Variants in NFIB observed in about 807,000 individuals in gnomAD.
NFIB encodes nuclear factor I B.
NFIB carries 11 observed loss-of-function variants against 61.5 expected under a neutral mutation model. The ratio of observed to expected loss-of-function variants is 0.18; its 90% CI spans 0.11 to 0.30. NFIB has a LOEUF of 0.30. Ranked by LOEUF, NFIB falls within the 10% of genes least tolerant of loss-of-function variation. The pLI is 1.00. For missense variants in NFIB, 471 were observed against 608.9 expected (o/e 0.77, Z 2.38); for synonymous variants, 260 against 216.5 (o/e 1.20, Z -1.76).
intron 1 of NFIB, among the ~76,000 whole-genome samples, chr9:14,374,735 C>T (rs962011831): frequency 6.6e-6 from 1 of 152,066 alleles, no homozygotes; most frequent in Admixed American, 6.6e-5. Context: ...CATGGTGAAA[C>T]CCTGTCTCTA....
At chr9:14,148,929 C>G (rs1286208681) in intron 5 of NFIB, among the ~76,000 whole-genome samples, 1 of 152,156 alleles carries the variant, frequency 6.6e-6, no homozygotes, top group Non-Finnish European at 1.5e-5. Flanking sequence ...GCCTGAAAAA[C>G]TTAAAATTGG....
rs559695764 is a variant in NFIB at position 14,217,388 on chromosome 9, C to T, written c.563-37608G>A. ...TAAAATATACAAACTAGGCTGGGCG[C>T]GGTGGCTCACGTCTGTAATCCCAGC... On this transcript the variant is annotated intron_variant, in intron 2 of 10. Coordinates refer to ENST00000380953, the MANE Select transcript of NFIB (RefSeq NM_001190737.2). 7.9e-5 allele frequency among the ~76,000 whole-genome samples: 12 copies of T among 152,112 alleles called. No individual in the cohort carries two copies. In the East Asian group the frequency reaches 1.5e-3, roughly 20 times the overall value.
chr9:14,364,737 C>T (rs1315605363), intron 1 of NFIB, among the ~76,000 whole-genome samples: 2 of 152,132 alleles, frequency 1.3e-5, no homozygotes, highest in African/African-American at 4.8e-5. Flanking sequence ...TTAAAGAGCA[C>T]GTTTTGACAG....
intron 2 of NFIB, among the ~76,000 whole-genome samples, chr9:14,187,115 T>C (rs898295906): frequency 4.0e-5 from 6 of 151,798 alleles, no homozygotes; most frequent in Non-Finnish European, 5.9e-5. Flanking sequence ...TGCTTCTGTC[T>C]CTCTGTCTCT....
chr9:14,351,536 C>T (rs984821138), intron 1 of NFIB, among the ~76,000 whole-genome samples: 2 of 152,232 alleles, frequency 1.3e-5, no homozygotes, highest in African/African-American at 2.4e-5. Context: ...CTTCTTTTCT[C>T]ACCTCCCATC....
intron 2 of NFIB, among the ~76,000 whole-genome samples, chr9:14,231,135 A>AAAAATATATAT (rs55959148): frequency 1.1e-4 from 4 of 35,344 alleles, no homozygotes; most frequent in Admixed American, 3.5e-4. Context: ...AAAAAAAAAA[A>AAAAATATATAT]ATATATATAT....
At chr9:14,317,492 T>G (rs1489013664), upstream of NFIB, 1 of 150,312 alleles carries the variant, frequency 6.7e-6, no homozygotes, top group African/African-American at 2.4e-5. Context: ...GTTTTTGGTT[T>G]TGATTTGTTT....
At chr9:14,461,053 G>T in the NFIB span, among the ~76,000 whole-genome samples, 1 of 151,928 alleles carries the variant, frequency 6.6e-6, no homozygotes, top group African/African-American at 2.4e-5. Context: ...TCAGTAATTA[G>T]ATATCAAGTC....
intron 3 of NFIB, among the ~76,000 whole-genome samples, chr9:14,175,766 C>T (rs1320112454): frequency 6.6e-6 from 1 of 152,192 alleles, no homozygotes; most frequent in Non-Finnish European, 1.5e-5. Flanking sequence ...CTTAATGATA[C>T]TAGAAAGGCC....
At chr9:14,436,030 T>C in the NFIB span, among the ~76,000 whole-genome samples, 1 of 152,242 alleles carries the variant, frequency 6.6e-6, no homozygotes, top group Non-Finnish European at 1.5e-5. Context: ...AGGCTTTCCT[T>C]CCCTTGCGCT....
chr9:14,096,297 C>CA (rs2034776752), intron 10 of NFIB: 1 of 152,160 alleles, frequency 6.6e-6, no homozygotes, highest in African/African-American at 2.4e-5. Context: ...CCTCCCTCTC[C>CA]AGTAGCGCTG....
At chr9:14,239,748 A>G (rs1369165312) in intron 2 of NFIB, among the ~76,000 whole-genome samples, 1 of 152,184 alleles carries the variant, frequency 6.6e-6, no homozygotes, top group Non-Finnish European at 1.5e-5. Context: ...TTCTATCTAC[A>G]AAAAGTACAA....
chr9:14,153,805 T>C (rs1048511768), intron 4 of NFIB, among the ~76,000 whole-genome samples: 17 of 152,292 alleles, frequency 1.1e-4, no homozygotes, highest in Non-Finnish European at 2.2e-4. Context: ...AGCAAACCCC[T>C]ATTTCATAAA....
intron 10 of NFIB, among the ~76,000 whole-genome samples, chr9:14,098,954 T>C (rs74764572): frequency 0.016 from 2,427 of 152,292 alleles, 113 homozygotes; most frequent in East Asian, 0.12. Context: ...GCCTTGGGGT[T>C]GCGGGTGGAT....
At chr9:14,353,240 T>G (rs992588315) in intron 1 of NFIB, among the ~76,000 whole-genome samples, 14 of 152,116 alleles carry the variant, frequency 9.2e-5, no homozygotes, top group African/African-American at 3.1e-4. Flanking sequence ...CCAGACATGT[T>G]ATTTAATTTG....
At chr9:14,233,635 G>A (rs1341429994) in intron 2 of NFIB, among the ~76,000 whole-genome samples, 2 of 151,892 alleles carry the variant, frequency 1.3e-5, no homozygotes, top group African/African-American at 4.8e-5. Context: ...TTGCCATGTT[G>A]GCCAGGCTGG....
chr9:14,262,569 G>T (rs976678953), intron 2 of NFIB, among the ~76,000 whole-genome samples: 2 of 152,088 alleles, frequency 1.3e-5, no homozygotes, highest in Admixed American at 1.3e-4. Flanking sequence ...TGGGCTGAAG[G>T]CTAGAAAAAA....
intron 2 of NFIB, among the ~76,000 whole-genome samples, chr9:14,230,247 G>A (rs1181956261): frequency 6.6e-6 from 1 of 152,200 alleles, no homozygotes; most frequent in Non-Finnish European, 1.5e-5. Context: ...TCTATGAATT[G>A]CCTTCTATCT....
Position 14,238,758 on chromosome 9 carries a change from A to G in NFIB, c.563-58978T>C, listed in dbSNP as rs145730533. Among the ~76,000 whole-genome samples, 996 of 152,256 alleles carry G rather than the reference A, an allele frequency of 6.5e-3. 8 individuals are homozygous for G. The highest frequency in any genetic ancestry group is 0.011 in the Non-Finnish European group (758 of 68,028). On this transcript the variant is annotated intron_variant, in intron 2 of 10. Transcript: ENST00000380953. Reference sequence around the variant, plus strand: ...TTGGTATCTTTGGGAGTGAGTGTCTATTCTCCACGTCTCTTGCCACAGGGG... The same window carrying G: ...TTGGTATCTTTGGGAGTGAGTGTCTGTTCTCCACGTCTCTTGCCACAGGGG...
Sources: allele counts gnomAD v4.1 joint callset (sites outside exome capture counted in the v4.1 genomes callset), GRCh38; gene constraint gnomAD v4.1.1; transcripts MANE v1.5; gene names NCBI Gene and HGNC (gene_info 2026-07-23, HGNC 2026-07-21).